The following CSMD1 variants were observed in gnomAD, a reference collection of about 807,000 sequenced individuals.
CSMD1 encodes the protein CUB and sushi domain-containing protein 1.
A neutral mutation model predicts 417.5 loss-of-function variants in CSMD1; 213 were observed. The observed-to-expected ratio is 0.51, with a 90% CI of 0.46 to 0.57. The LOEUF is 0.57. CSMD1 is among the 20% of genes least tolerant of loss of function. CSMD1 has a pLI of 0.00. For synonymous variants in CSMD1, 2,862 were observed against 1,736.8 expected, an observed-to-expected ratio of 1.65 and a Z score of -16.11; for missense variants, 6,923 against 4,529.7, an observed-to-expected ratio of 1.53 and a Z score of -15.17.
intron 3 of CSMD1, among the ~76,000 whole-genome samples, chr8:4,109,693 C>T (rs1001755105): frequency 3.3e-5 from 5 of 152,022 alleles, no homozygotes; most frequent in African/African-American, 4.8e-5. Context: ...CAAGATACTC[C>T]GAGGCATATG....
intron 12 of CSMD1, among the ~76,000 whole-genome samples, chr8:3,444,988 G>A (rs1448472685): frequency 1.3e-5 from 2 of 152,072 alleles, no homozygotes; most frequent in African/African-American, 2.4e-5. Context: ...ACTCAAACTC[G>A]AACCTGTCCA....
intron 3 of CSMD1, among the ~76,000 whole-genome samples, chr8:4,341,084 G>A (rs142623284): frequency 3.0e-4 from 46 of 152,156 alleles, no homozygotes; most frequent in African/African-American, 1.1e-3. Flanking sequence ...GGAAAGAATA[G>A]TGAGAGAATA....
intron 41 of CSMD1, among the ~76,000 whole-genome samples, chr8:3,137,704 G>T (rs1444037523): frequency 2.0e-5 from 3 of 152,182 alleles, no homozygotes; most frequent in Admixed American, 2.0e-4. Context: ...CGTGTAAATA[G>T]TTGTTATTCT....
At chr8:3,272,046 G>C (rs62505049) in intron 26 of CSMD1, among the ~76,000 whole-genome samples, 44,441 of 150,656 alleles carry the variant, frequency 0.29, 6,653 homozygotes, top group Non-Finnish European at 0.32. Flanking sequence ...TTTTCTTCTA[G>C]GGTTTTTATG....
chr8:3,732,692 A>C (rs549277856), intron 6 of CSMD1, among the ~76,000 whole-genome samples: 273 of 152,258 alleles, frequency 1.8e-3, no homozygotes, highest in African/African-American at 6.3e-3. Flanking sequence ...AGACAGAAAA[A>C]AAGAAAAGTA....
At chr8:3,041,118 G>C (rs1811063097) in intron 50 of CSMD1, among the ~76,000 whole-genome samples, 1 of 152,066 alleles carries the variant, frequency 6.6e-6, no homozygotes, top group Non-Finnish European at 1.5e-5. Flanking sequence ...AAATATTAGA[G>C]AGCTCCTGAC....
chr8:3,699,211 A>C (rs1298547971), intron 7 of CSMD1, among the ~76,000 whole-genome samples: 1 of 152,260 alleles, frequency 6.6e-6, no homozygotes, highest in Non-Finnish European at 1.5e-5. Context: ...ACTAGAGCAC[A>C]CAATGTAGAC....
chr8:4,388,940 G>A (rs956160444), intron 3 of CSMD1, among the ~76,000 whole-genome samples: 2 of 152,092 alleles, frequency 1.3e-5, no homozygotes, highest in Non-Finnish European at 2.9e-5. Flanking sequence ...TTGAAAACCT[G>A]TTGCCATCTC....
At chr8:4,652,282 G>T (rs760472459) in intron 1 of CSMD1, among the ~76,000 whole-genome samples, 25 of 152,158 alleles carry the variant, frequency 1.6e-4, no homozygotes, top group Non-Finnish European at 3.2e-4. Context: ...TATACTTCGA[G>T]ACCAGGAATA....
intron 5 of CSMD1, among the ~76,000 whole-genome samples, chr8:3,938,240 C>A (rs974246127): frequency 6.6e-6 from 1 of 151,894 alleles, no homozygotes; most frequent in Non-Finnish European, 1.5e-5. Flanking sequence ...GTGTAAAATG[C>A]TTTACTGTTT....
chr8:3,122,649 G>A (rs1440895838), intron 41 of CSMD1, among the ~76,000 whole-genome samples: 3 of 152,150 alleles, frequency 2.0e-5, no homozygotes, highest in Non-Finnish European at 4.4e-5. Context: ...CACGAGAGCT[G>A]ATGCTTTTAT....
chr8:4,448,395 C>T (rs1798942424), intron 2 of CSMD1, among the ~76,000 whole-genome samples: 1 of 152,178 alleles, frequency 6.6e-6, no homozygotes, highest in Non-Finnish European at 1.5e-5. Context: ...CCAACTCCTA[C>T]TTTCAGTAAC....
intron 1 of CSMD1, among the ~76,000 whole-genome samples, chr8:4,842,334 C>A (rs768084389): frequency 2.0e-5 from 3 of 152,180 alleles, no homozygotes; most frequent in African/African-American, 7.2e-5. Context: ...CTACAATGGA[C>A]TTTTAATATC....
At chr8:4,672,884 A>T (rs1805416050) in intron 1 of CSMD1, among the ~76,000 whole-genome samples, 2 of 152,186 alleles carry the variant, frequency 1.3e-5, no homozygotes, top group African/African-American at 4.8e-5. Context: ...CATGGAGCAC[A>T]CCGAAACATG....
rs60030429 is a variant in CSMD1, at chr8:2,944,747, T to A, written c.10403-2143A>T. Among the ~76,000 whole-genome samples, 1,458 of 152,306 alleles carry A rather than the reference T, an allele frequency of 9.6e-3. 25 individuals carry two copies. The highest frequency in any genetic ancestry group is 0.032 in the African/African-American group (1,350 of 41,566). On this transcript the variant is annotated intron_variant, in intron 68 of 69. Coordinates refer to ENST00000635120, the MANE Select transcript of CSMD1 (RefSeq NM_033225.6). The stretch of plus-strand genomic sequence containing the variant: ...TTCAGCACCCAAATATCTTTTAGTT[T>A]CCATTACGATGCCAAACATTGATCT...
intron 10 of CSMD1, among the ~76,000 whole-genome samples, chr8:3,525,123 G>A (rs1443536699): frequency 6.6e-6 from 1 of 151,730 alleles, no homozygotes; most frequent in African/African-American, 2.4e-5. Flanking sequence ...CACATAGAAG[G>A]CTCAAGCCAC....
intron 10 of CSMD1, among the ~76,000 whole-genome samples, chr8:3,500,761 T>C (rs1333575094): frequency 6.6e-6 from 1 of 152,110 alleles, no homozygotes; most frequent in African/African-American, 2.4e-5. Context: ...TGGATAACCA[T>C]GGCAAGAAAG....
In CSMD1 at chr8:4,256,571, CCA is replaced by C. The variant is rs543245474; in HGVS notation, c.415+163380_415+163381del. ...ACCATTTACTTTTATCTTTAAAACC[CCA>C]TGGGAAGGGGTTTACCCTCACTTTA... is the stretch of plus-strand genomic sequence containing the variant. On this transcript the variant is annotated intron_variant, in intron 3 of 69. Transcript: ENST00000635120. 5.6e-3 allele frequency among the ~76,000 whole-genome samples: 845 copies of C among 152,240 alleles called. 3 individuals are homozygous for C. The highest frequency in any genetic ancestry group is 0.012 in the South Asian group (60 of 4,826).
intron 49 of CSMD1, among the ~76,000 whole-genome samples, chr8:3,077,161 C>T (rs771579328): frequency 6.6e-6 from 1 of 152,134 alleles, no homozygotes; most frequent in Non-Finnish European, 1.5e-5. Flanking sequence ...AAATCAGAAT[C>T]GTGCAGGGCT....
Sources: allele counts gnomAD v4.1 joint callset (sites outside exome capture counted in the v4.1 genomes callset), GRCh38; gene constraint gnomAD v4.1.1; transcripts MANE v1.5; gene names NCBI Gene and HGNC (gene_info 2026-07-23, HGNC 2026-07-21).